Variants in CADPS2 observed in about 807,000 individuals in gnomAD.
CADPS2 encodes calcium-dependent secretion activator 2.
In CADPS2, 93 loss-of-function variants were observed where a neutral mutation model predicts 172.5. That is an observed-to-expected ratio of 0.54 (90% CI 0.46 to 0.64). CADPS2 has a LOEUF of 0.64. CADPS2 is among the 30% of genes least tolerant of loss of function. The pLI is 0.00. For missense variants in CADPS2, 1,420 were observed against 1,565.9 expected, an observed-to-expected ratio of 0.91 and a Z score of 1.57; for synonymous variants, 546 against 555.2, an observed-to-expected ratio of 0.98 and a Z score of 0.23.
chr7:122,522,622 A>G (rs549338635), intron 8 of CADPS2, among the ~76,000 whole-genome samples: 29 of 152,244 alleles, frequency 1.9e-4, no homozygotes, highest in Middle Eastern at 3.4e-3. Context: ...ATTATTAACT[A>G]TAGTCACCCT....
chr7:122,860,844 T>G (rs1563195432), intron 1 of CADPS2, among the ~76,000 whole-genome samples: 1 of 152,188 alleles, frequency 6.6e-6, no homozygotes, highest in Non-Finnish European at 1.5e-5. Context: ...TGTCCCTCTA[T>G]GCTTGGTTTA....
chr7:122,365,481 C>T (rs773482340), intron 25 of CADPS2, among the ~76,000 whole-genome samples: 8 of 152,312 alleles, frequency 5.3e-5, no homozygotes, highest in African/African-American at 1.2e-4. Context: ...ATACCTTCCA[C>T]CTGGCTTTTA....
intron 2 of CADPS2, chr7:122,697,623 C>A (rs1442032995): frequency 1.7e-6 from 1 of 576,404 alleles, no homozygotes. Flanking sequence ...AAAAAAATCC[C>A]GCTAGGACTT....
At chr7:122,734,362 AAAAAAAAAAAAAAAAAAAAAAAAAG>A (rs2091955107) in intron 2 of CADPS2, among the ~76,000 whole-genome samples, 10 of 85,726 alleles carry the variant, frequency 1.2e-4, no homozygotes, top group Non-Finnish European at 8.2e-5. Flanking sequence ...ATAGTAAAAA[AAAAAAAAAAAAAAAAAAAAAAAAAG>A]AAAAAAAAAA....
In CADPS2 at chr7:122,388,694, G is replaced by C; in HGVS notation, c.3053C>G (p.Ala1018Gly). The change falls in exon 23 of 30, where the codon GCA becomes GGA. Residue 1018 changes from alanine (A) to glycine (G), a missense_variant. Ala to Gly is a moderately conservative substitution (Grantham distance 60). Transcript: ENST00000449022. The part of the protein sequence containing the change: ...TSEDLFWKLD[A>G]LQMFVFDLHW... ...CAGATCAAAGACAAACATTTGCAGT[G>C]CATCAAGCTTCCAAAAAAGGTCTTC... 6.2e-7 allele frequency: 1 copy of C among 1,609,070 alleles called. No homozygotes were observed.
intron 18 of CADPS2, among the ~76,000 whole-genome samples, chr7:122,415,202 C>T (rs1419669695): frequency 2.6e-5 from 4 of 152,084 alleles, no homozygotes; most frequent in Admixed American, 1.3e-4. Context: ...ATGTTGAGAG[C>T]GAAAGCCTAG....
At chr7:122,490,043 A>G in intron 11 of CADPS2, 38 bp downstream of exon 11, 1 of 1,557,456 alleles carries the variant, frequency 6.4e-7, no homozygotes, top group Admixed American at 1.7e-5. Context: ...TATTAAGGCT[A>G]TTAATTGATA....
At chr7:122,690,491 A>G (rs2084198881) in intron 2 of CADPS2, among the ~76,000 whole-genome samples, 2 of 152,206 alleles carry the variant, frequency 1.3e-5, no homozygotes, top group African/African-American at 4.8e-5. Context: ...TCCCCACAGG[A>G]GGCCACAATC....
chr7:122,817,724 A>T lies in CADPS2; in HGVS notation c.339+68275T>A, dbSNP rs188708093. Among the ~76,000 whole-genome samples, 283 of 151,524 alleles carry T rather than the reference A, an allele frequency of 1.9e-3. 6 individuals carry two copies. Among genetic ancestry groups the T allele is most frequent in the Admixed American group, 0.015 (232 of 15,206 alleles). On this transcript the variant is annotated intron_variant, in intron 1 of 29. Coordinates refer to ENST00000449022, the MANE Select transcript of CADPS2 (RefSeq NM_017954.11). ...CTGCGGGAGGGGCAAGTACCCCTCA[A>T]CCCCTTCTCCTTCACTCTTAGCGGC...
At chr7:122,518,704 T>C (rs941736717) in intron 8 of CADPS2, among the ~76,000 whole-genome samples, 5 of 152,004 alleles carry the variant, frequency 3.3e-5, no homozygotes, top group Admixed American at 2.6e-4. Flanking sequence ...AAGAAGTTTT[T>C]TTTTAAGGGT....
rs1005423419 is a variant in CADPS2, at chr7:122,496,703, CA to C, written c.1543-5284del. Among the ~76,000 whole-genome samples the C allele has an allele frequency of 1.8e-4, 27 of 151,968 alleles. 1 individual carries two copies. Among genetic ancestry groups the C allele is most frequent in the Admixed American group, 9.2e-4 (14 of 15,238 alleles). On this transcript the variant is annotated intron_variant, in intron 9 of 29. Coordinates refer to ENST00000449022, the MANE Select transcript of CADPS2 (RefSeq NM_017954.11). ...GTTTTTAAATTAATTTCATTGTTAT[CA>C]GAATAATTCTGAATCTTAGTATTTT...
intron 8 of CADPS2, among the ~76,000 whole-genome samples, chr7:122,541,879 ATATATATTCATATATATT>A (rs1456849359): frequency 1.5e-4 from 19 of 130,660 alleles, no homozygotes; most frequent in Middle Eastern, 4.1e-3. Context: ...ATATATATTT[ATATATATTCATATATATT>A]TATATATTCA....
intron 17 of CADPS2, among the ~76,000 whole-genome samples, chr7:122,427,007 A>G (rs1248041457): frequency 6.6e-6 from 1 of 152,218 alleles, no homozygotes; most frequent in Admixed American, 6.5e-5. Context: ...ATTTCCATGC[A>G]TCTTCAGAGG....
chr7:122,849,457 C>T (rs1812922606), intron 1 of CADPS2, among the ~76,000 whole-genome samples: 1 of 152,080 alleles, frequency 6.6e-6, no homozygotes, highest in South Asian at 2.1e-4. Flanking sequence ...CATAGATTTC[C>T]AAGGACGTTT....
At chr7:122,453,025 T>C (rs892559915) in intron 14 of CADPS2, among the ~76,000 whole-genome samples, 2 of 152,076 alleles carry the variant, frequency 1.3e-5, no homozygotes, top group African/African-American at 2.4e-5. Flanking sequence ...AAGTATGAGA[T>C]TTTTTTTCCA....
At chr7:122,412,468 A>C (rs1015450088) in intron 19 of CADPS2, among the ~76,000 whole-genome samples, 2 of 152,174 alleles carry the variant, frequency 1.3e-5, no homozygotes, top group African/African-American at 4.8e-5. Context: ...TCAGATACTG[A>C]TATTTAGGGG....
At chr7:122,622,985 GC>G (rs1335863679) in intron 4 of CADPS2, among the ~76,000 whole-genome samples, 3 of 152,004 alleles carry the variant, frequency 2.0e-5, no homozygotes, top group East Asian at 3.8e-4. Context: ...CAGGCCACCT[GC>G]TTTTCTTCTC....
At chr7:122,372,000 A>C (rs905066636) in intron 25 of CADPS2, among the ~76,000 whole-genome samples, 3 of 151,768 alleles carry the variant, frequency 2.0e-5, no homozygotes, top group African/African-American at 7.3e-5. Context: ...AATAATAACA[A>C]TATCAACTAA....
intron 2 of CADPS2, chr7:122,697,594 A>C (rs531462355): frequency 7.8e-6 from 4 of 514,592 alleles, no homozygotes; most frequent in African/African-American, 7.7e-5. Context: ...TACACTTAGC[A>C]AAGGTCCAAA....
Sources: gnomAD v4.1 joint callset for allele counts (sites outside exome capture counted in the v4.1 genomes callset) on GRCh38, gnomAD v4.1.1 for gene constraint, MANE v1.5 for transcripts, NCBI Gene and HGNC (gene_info 2026-07-23, HGNC 2026-07-21) for gene names.